EIF2AK4: variants seen among roughly 807,000 people sequenced by gnomAD.
EIF2AK4 encodes eIF-2-alpha kinase GCN2.
Under a neutral mutation model 211.1 loss-of-function variants are expected in EIF2AK4, and 139 were observed. The ratio of observed to expected loss-of-function variants is 0.66; its 90% CI spans 0.57 to 0.76. The LOEUF (loss-of-function observed/expected upper bound fraction) is 0.76, where lower values mean the gene tolerates loss of function less well. EIF2AK4 is among the 30% of genes least tolerant of loss of function. EIF2AK4 has a pLI of 0.00. For missense variants in EIF2AK4, 1,664 were observed against 2,043.8 expected, an observed-to-expected ratio of 0.81 and a Z score of 3.58; for synonymous variants, 710 against 751.3, an observed-to-expected ratio of 0.94 and a Z score of 0.90.
In EIF2AK4 at chr15:39,953,954, A is replaced by G. The variant is rs758789499; in HGVS notation, c.564A>G (p.Glu188=). The G allele has an allele frequency of 2.5e-6, 4 of 1,606,692 alleles. No individual in the cohort carries two copies. Among genetic ancestry groups the G allele is most frequent in the Non-Finnish European group, 3.4e-6 (4 of 1,177,940 alleles). The change falls in exon 5 of 39, where the codon GAA becomes GAG. Residue 188 remains glutamate (E), a synonymous_variant. Coordinates refer to ENST00000263791, the MANE Select transcript of EIF2AK4 (RefSeq NM_001013703.4). ...EIQRRKEEIK[E]EKKRKEMAKQ... is the part of the protein sequence containing the mutation. ...AGAGAAGGAAAGAAGAGATAAAAGAAGAGAAAAAAAGGAAAGAAATGGCTA... is the reference window on the plus strand; with the variant it reads ...AGAGAAGGAAAGAAGAGATAAAAGAGGAGAAAAAAAGGAAAGAAATGGCTA...
Position 39,949,401 on chromosome 15 carries a change from CAT to C in EIF2AK4, c.513+134_513+135del, listed in dbSNP as rs556257647. 106 of 1,308,850 alleles carry C rather than the reference CAT, an allele frequency of 8.1e-5. No individual in the cohort carries two copies. The East Asian group carries it at 2.4e-3, about 30-fold the overall frequency. The allele number at this position is 1,308,850 out of a possible 1,614,324, so 81.1% of individuals were successfully genotyped here. A position where few individuals can be genotyped will look rare whatever the true frequency, so the allele number is the denominator to read the frequency against. On this transcript the variant is annotated intron_variant, in intron 4 of 38. Coordinates refer to ENST00000263791, the MANE Select transcript of EIF2AK4 (RefSeq NM_001013703.4). ...GCCTTTGATTCAAGAAAGGTAGACA[CAT>C]GTGAGAGTATGAAAAATATGAGTGA...
rs975544146 is a variant in EIF2AK4, at chr15:39,998,592, CAGGTTTCA to C, written c.2869-136_2869-129del. On this transcript the variant is annotated intron_variant, in intron 19 of 38. Transcript: ENST00000263791. ...TGTATGTAATTGGAAGAATAAGCGT[CAGGTTTCA>C]AGAAGGTATCACCTATCTTTTCTTG... The C allele has an allele frequency of 1.4e-5, 9 of 624,060 alleles. No homozygotes were observed. The African/African-American group carries it at 1.7e-4, about 12-fold the overall frequency. The allele number at this position is 624,060 out of a possible 1,614,324, so 38.7% of individuals were successfully genotyped here.
At chr15:40,018,598 G>A (rs779472276) in intron 29 of EIF2AK4, among the ~76,000 whole-genome samples, 2 of 151,878 alleles carry the variant, frequency 1.3e-5, no homozygotes, top group Non-Finnish European at 2.9e-5. Context: ...CTGGGATTGC[G>A]GGTGTGAGCC....
chr15:39,961,705 C>G (rs1216705139), intron 6 of EIF2AK4, 79 bp from the exon 7 acceptor site: 4 of 1,128,692 alleles, frequency 3.5e-6, no homozygotes, highest in Non-Finnish European at 5.2e-6. Flanking sequence ...CTATGTTAAT[C>G]TATAACATTC....
At chr15:39,995,575 TTTTTC>T (rs2035007882) in intron 18 of EIF2AK4, among the ~76,000 whole-genome samples, 3 of 152,202 alleles carry the variant, frequency 2.0e-5, no homozygotes, top group Admixed American at 2.0e-4. Context: ...TTTTGCTTCT[TTTTTC>T]TTTTTATTGT....
chr15:39,963,758 G>A (rs1277543709), intron 7 of EIF2AK4, among the ~76,000 whole-genome samples: 1 of 152,104 alleles, frequency 6.6e-6, no homozygotes, highest in Non-Finnish European at 1.5e-5. Context: ...CCTCGTCTCA[G>A]TATATTCTTT....
intron 29 of EIF2AK4, 144 bp from the exon 30 acceptor site, chr15:40,018,949 A>G (rs2035346170): frequency 9.1e-6 from 6 of 661,050 alleles, no homozygotes; most frequent in African/African-American, 1.9e-5. Flanking sequence ...TTGCTTCTCT[A>G]TTTTACTACA....
At chr15:39,969,607 A>G (rs944258461) in intron 9 of EIF2AK4, among the ~76,000 whole-genome samples, 1 of 151,922 alleles carries the variant, frequency 6.6e-6, no homozygotes, top group Non-Finnish European at 1.5e-5. Context: ...TGATCCGCCC[A>G]CCTCGGCCTC....
chr15:39,939,484 T>G lies in EIF2AK4; in HGVS notation c.145-21T>G, dbSNP rs1202332736. ...GGCTCTACAGCTTTGAAAAAAATTTTTTTTGTTTTTCCTCTTTTAGGTCAA... is the reference window on the plus strand; with the variant it reads ...GGCTCTACAGCTTTGAAAAAAATTTGTTTTGTTTTTCCTCTTTTAGGTCAA... On this transcript the variant is annotated intron_variant, in intron 1 of 38. Coordinates refer to ENST00000263791, the MANE Select transcript of EIF2AK4 (RefSeq NM_001013703.4). The G allele has an allele frequency of 2.6e-6, 4 of 1,568,408 alleles. No homozygotes were observed. The African/African-American group carries it at 4.1e-5, about 16-fold the overall frequency.
At chr15:39,948,110 A>G (rs1017118458) in intron 3 of EIF2AK4, among the ~76,000 whole-genome samples, 2 of 152,242 alleles carry the variant, frequency 1.3e-5, no homozygotes, top group African/African-American at 4.8e-5. Context: ...GGTGTAAGAA[A>G]AAATGCATTA....
chr15:40,034,984 A>G (rs1425510760), intron 38 of EIF2AK4, 43 bp from the exon 39 acceptor site: 1 of 1,511,152 alleles, frequency 6.6e-7, no homozygotes, highest in Non-Finnish European at 9.0e-7. Flanking sequence ...TTCTTCACTC[A>G]TTAAACTGAG....
chr15:39,999,701 T>G (rs1451403201), intron 20 of EIF2AK4, among the ~76,000 whole-genome samples: 1 of 152,244 alleles, frequency 6.6e-6, no homozygotes, highest in Non-Finnish European at 1.5e-5. Context: ...TAGGGACCTA[T>G]TCTGCCTCAT....
chr15:39,938,814 C>T (rs370907160), intron 1 of EIF2AK4, among the ~76,000 whole-genome samples: 2 of 152,154 alleles, frequency 1.3e-5, no homozygotes, highest in East Asian at 1.9e-4. Flanking sequence ...ACCATGGGAG[C>T]GCTCAGCCAT....
intron 14 of EIF2AK4, 26 bp from the exon 15 acceptor site, chr15:39,987,957 A>C (rs2034888754): frequency 6.2e-7 from 1 of 1,610,514 alleles, no homozygotes; most frequent in Non-Finnish European, 8.5e-7. Context: ...TGTGTAATCA[A>C]ATTCTCCTGG....
At chr15:39,959,404 T>G (rs1439292964) in intron 6 of EIF2AK4, among the ~76,000 whole-genome samples, 2 of 152,216 alleles carry the variant, frequency 1.3e-5, no homozygotes, top group African/African-American at 4.8e-5. Flanking sequence ...TCAAACTCTG[T>G]GATTTACTTT....
intron 5 of EIF2AK4, 152 bp downstream of exon 5, chr15:39,954,136 A>ATT: frequency 1.6e-6 from 1 of 638,964 alleles, no homozygotes; most frequent in Non-Finnish European, 2.4e-6. Context: ...GACTCCCTAA[A>ATT]TAGGTGGCAA....
In EIF2AK4 at chr15:39,976,659, C is replaced by T. The variant is rs774259183; in HGVS notation, c.2064C>T (p.Ser688=). 4 of 1,603,716 alleles carry T rather than the reference C, an allele frequency of 2.5e-6. No homozygotes were observed. The highest frequency in any genetic ancestry group is 2.2e-5 in the South Asian group (2 of 90,518). The change falls in exon 12 of 39, where the codon AGC becomes AGT. Residue 688 remains serine, a synonymous_variant. Coordinates refer to ENST00000263791, the MANE Select transcript of EIF2AK4 (RefSeq NM_001013703.4). ...DDRAARGQPA[S]DTDGLDSVEA... ...GAGCTGCACGCGGGCAGCCGGCGAG[C>T]GACACAGACGGCCTGGACAGCGTAG...
At position 39,976,812 on chromosome 15, in the gene EIF2AK4, C is replaced by T. The variant is rs1189131806; in HGVS notation, c.2217C>T (p.Asp739=). The T allele has an allele frequency of 6.4e-7, 1 of 1,561,612 alleles. No individual in the cohort carries two copies. The highest frequency in any genetic ancestry group is 8.7e-7 in the Non-Finnish European group (1 of 1,155,680). Residue 739 remains aspartate (D), a synonymous_variant, in exon 12 of 39, where the codon GAC becomes GAT. Transcript: ENST00000263791. ...GSSDDEDDDE[D]EHGGVFSQSF... is the part of the protein sequence containing the mutation. ...GCGATGACGAGGACGACGACGAGGA[C>T]GAGCACGGTGGCGTCTTCTCCCAGT...
At chr15:40,006,955 A>G (rs1269282984) in intron 23 of EIF2AK4, 61 bp from the exon 24 acceptor site, 8 of 1,281,360 alleles carry the variant, frequency 6.2e-6, no homozygotes, top group Admixed American at 5.6e-5. Context: ...GTTTCAATAA[A>G]GCCGCTATTA....
Sources: allele counts gnomAD v4.1 joint callset (sites outside exome capture counted in the v4.1 genomes callset), GRCh38; gene constraint gnomAD v4.1.1; transcripts MANE v1.5; gene names NCBI Gene and HGNC (gene_info 2026-07-23, HGNC 2026-07-21).